FRMD5: variants seen among roughly 807,000 people sequenced by gnomAD.
FRMD5 encodes the protein FERM domain-containing protein 5.
A neutral mutation model predicts 69.0 loss-of-function variants in FRMD5; 20 were observed. That is an observed-to-expected ratio of 0.29 (90% confidence interval 0.20 to 0.42). The LOEUF (loss-of-function observed/expected upper bound fraction) is 0.42. Ranked by LOEUF, FRMD5 falls within the 10% of genes least tolerant of loss-of-function variation. The probability of loss-of-function intolerance (pLI) is 1.00; values close to 1 mark genes in which losing one functional copy is unlikely to be tolerated. For missense variants in FRMD5, 595 were observed against 708.6 expected (o/e 0.84, Z 1.82); for synonymous variants, 271 against 260.1 (o/e 1.04, Z -0.40).
intron 1 of FRMD5, among the ~76,000 whole-genome samples, chr15:44,046,442 C>A (rs531745435): frequency 6.6e-6 from 1 of 152,198 alleles, no homozygotes; most frequent in African/African-American, 2.4e-5. Context: ...TTACACATTT[C>A]CATACCCATA....
chr15:44,151,306 A>T (rs1293543836), intron 1 of FRMD5, among the ~76,000 whole-genome samples: 2 of 151,590 alleles, frequency 1.3e-5, no homozygotes, highest in African/African-American at 4.9e-5. Flanking sequence ...CTGAGGCAGG[A>T]GAATGGTGTG....
intron 1 of FRMD5, among the ~76,000 whole-genome samples, chr15:44,146,604 T>C (rs570709863): frequency 6.6e-6 from 1 of 152,306 alleles, no homozygotes; most frequent in South Asian, 2.1e-4. Flanking sequence ...TAATTTACAT[T>C]CCCACCGACA....
Position 43,874,126 on chromosome 15 carries a change from T to G in FRMD5, c.1472A>C (p.Glu491Ala). The part of the protein sequence containing the change: ...ALCQGHSGPE[E>A]EQVNKFVLSV... ...TAGAACAAACTTATTCACCTGTTCC[T>G]CCTCGGGCCCGCTGTGCCCCTGACA... is the stretch of plus-strand genomic sequence containing the variant. Residue 491 changes from glutamate (E) to alanine (A), a missense_variant, in exon 14 of 14, where the codon GAG (glutamate) becomes GCG (alanine). Around this residue, in one of 5 missense-constraint regions of FRMD5, gnomAD observed 245 missense variants for 227.1 expected, o/e 1.08. Transcript: ENST00000417257. 1 of 1,614,176 alleles carries G rather than the reference T, an allele frequency of 6.2e-7. No individual in the cohort carries two copies.
At chr15:43,938,947 C>T (rs760626340) in intron 1 of FRMD5, among the ~76,000 whole-genome samples, 1 of 151,910 alleles carries the variant, frequency 6.6e-6, no homozygotes, top group Non-Finnish European at 1.5e-5. Flanking sequence ...GTGCAACCTC[C>T]GCCTCCTAGG....
chr15:44,108,918 A>G (rs1206845290), intron 1 of FRMD5, among the ~76,000 whole-genome samples: 2 of 150,572 alleles, frequency 1.3e-5, no homozygotes, highest in Admixed American at 6.6e-5. Context: ...ATATGATGGT[A>G]CCACTGCATT....
At chr15:44,045,445 A>G (rs1447630427) in intron 1 of FRMD5, among the ~76,000 whole-genome samples, 2 of 152,186 alleles carry the variant, frequency 1.3e-5, no homozygotes, top group East Asian at 3.8e-4. Flanking sequence ...CTACACTTAA[A>G]TGATTCATAC....
rs1890426018 is a variant in FRMD5, at chr15:44,005,908, G to C, written c.103-81599C>G. On this transcript the variant is annotated intron_variant, in intron 1 of 13. Transcript: ENST00000417257. ...CCATCTCCATAACATAAAAGTGCAA[G>C]ATGAAGTAGTAAGTGCTGATACAGA... is the stretch of plus-strand genomic sequence containing the variant. Among the ~76,000 whole-genome samples, 4 of 152,194 alleles carry C rather than the reference G, an allele frequency of 2.6e-5. No homozygotes were observed. The South Asian group carries it at 8.3e-4, about 32-fold the overall frequency.
chr15:44,146,220 T>G (rs1365053894), intron 1 of FRMD5, among the ~76,000 whole-genome samples: 1 of 152,170 alleles, frequency 6.6e-6, no homozygotes, highest in Non-Finnish European at 1.5e-5. Context: ...TTCTCATTGT[T>G]TGGCTCTCAC....
At chr15:43,904,028 C>T (rs773322616) in intron 6 of FRMD5, among the ~76,000 whole-genome samples, 5 of 152,110 alleles carry the variant, frequency 3.3e-5, no homozygotes, top group African/African-American at 9.7e-5. Context: ...GAAGGCACAC[C>T]GAGGGAGAGG....
intron 1 of FRMD5, among the ~76,000 whole-genome samples, chr15:43,938,231 C>CAAAAA (rs775430626): frequency 2.0e-4 from 13 of 65,100 alleles, no homozygotes; most frequent in African/African-American, 5.7e-4. Flanking sequence ...GACTCCGTCT[C>CAAAAA]AAAAAAAAAA....
At chr15:44,001,853 C>A (rs1422315613) in intron 1 of FRMD5, among the ~76,000 whole-genome samples, 1 of 152,084 alleles carries the variant, frequency 6.6e-6, no homozygotes, top group African/African-American at 2.4e-5. Flanking sequence ...CCTGCCTCAG[C>A]CTCCTGAGTA....
chr15:44,050,029 C>G (rs1271600575), intron 1 of FRMD5, among the ~76,000 whole-genome samples: 1 of 152,136 alleles, frequency 6.6e-6, no homozygotes, highest in Non-Finnish European at 1.5e-5. Context: ...CTAGATCACC[C>G]TGTATATGAC....
intron 1 of FRMD5, among the ~76,000 whole-genome samples, chr15:43,972,735 C>T (rs1341922117): frequency 6.6e-6 from 1 of 152,196 alleles, no homozygotes; most frequent in Non-Finnish European, 1.5e-5. Context: ...CCACCTCATA[C>T]AGGTAGTCCC....
chr15:44,138,476 T>C (rs1327425809), intron 1 of FRMD5, among the ~76,000 whole-genome samples: 2 of 152,138 alleles, frequency 1.3e-5, no homozygotes, highest in Non-Finnish European at 2.9e-5. Flanking sequence ...AATGGATGCC[T>C]TGAAGATAGT....
intron 1 of FRMD5, among the ~76,000 whole-genome samples, chr15:43,954,170 C>T (rs1002276558): frequency 3.3e-5 from 5 of 152,192 alleles, no homozygotes; most frequent in African/African-American, 1.2e-4. Flanking sequence ...TTGTGCATTT[C>T]TCATCTCTTC....
At chr15:43,921,896 C>G (rs1425461704) in intron 2 of FRMD5, among the ~76,000 whole-genome samples, 1 of 152,146 alleles carries the variant, frequency 6.6e-6, no homozygotes, top group Non-Finnish European at 1.5e-5. Flanking sequence ...GAGGCTCCTG[C>G]AGAGCAAGGA....
At chr15:43,879,626 C>T in intron 13 of FRMD5, 1 of 399,140 alleles carries the variant, frequency 2.5e-6, no homozygotes, top group South Asian at 1.3e-4. Context: ...TCAGCCGGAG[C>T]TGGACCCGGA....
At chr15:44,099,741 G>A (rs1386188104) in intron 1 of FRMD5, among the ~76,000 whole-genome samples, 2 of 152,092 alleles carry the variant, frequency 1.3e-5, no homozygotes, top group East Asian at 3.9e-4. Flanking sequence ...CCATAAAGAG[G>A]CCAGCTCTGG....
In FRMD5 at chr15:44,029,545, G is replaced by A. The variant is rs554218944; in HGVS notation, c.103-105236C>T. Among the ~76,000 whole-genome samples the A allele has an allele frequency of 1.5e-3, 231 of 152,252 alleles. 2 individuals carry two copies. Among genetic ancestry groups the A allele is most frequent in the African/African-American group, 5.3e-3 (221 of 41,560 alleles). ...AGGATTAGTAAACAGAACATAACAG[G>A]GAACAGTACAGAGAAAATATGGTAA... On this transcript the variant is annotated intron_variant, in intron 1 of 13. Coordinates refer to ENST00000417257, the MANE Select transcript of FRMD5 (RefSeq NM_032892.5).
Sources: allele counts gnomAD v4.1 joint callset (sites outside exome capture counted in the v4.1 genomes callset), GRCh38; gene constraint gnomAD v4.1.1; regional missense constraint gnomAD v4.1.1; transcripts MANE v1.5; gene names NCBI Gene and HGNC (gene_info 2026-07-23, HGNC 2026-07-21).